Variants in CD46 observed in about 807,000 individuals in gnomAD.
The protein encoded by CD46 is membrane cofactor protein.
Under a neutral mutation model 53.3 loss-of-function variants are expected in CD46, and 30 were observed. The observed-to-expected ratio is 0.56, with a 90% CI of 0.42 to 0.76. The LOEUF is 0.76. CD46 is among the 30% of genes least tolerant of loss of function. CD46 has a pLI of 0.00. For synonymous variants in CD46, 142 were observed against 152.0 expected, an observed-to-expected ratio of 0.93 and a Z score of 0.48; for missense variants, 409 against 463.0, an observed-to-expected ratio of 0.88 and a Z score of 1.07.
intron 2 of CD46, 68 bp downstream of exon 2, chr1:207,757,270 T>C: frequency 7.6e-7 from 1 of 1,310,068 alleles, no homozygotes; most frequent in Non-Finnish European, 1.1e-6. Context: ...GGGGTACATA[T>C]TCCACTACGG....
chr1:207,760,078 A>G (rs1656011272), intron 4 of CD46: 1 of 218,044 alleles, frequency 4.6e-6, no homozygotes, highest in African/African-American at 2.4e-5. Context: ...GGGTTTTGCC[A>G]TGATGCCCAG....
chr1:207,764,162 C>G (rs1415332197), intron 5 of CD46, among the ~76,000 whole-genome samples: 2 of 152,164 alleles, frequency 1.3e-5, no homozygotes, highest in African/African-American at 4.8e-5. Flanking sequence ...TTCTGGGAGG[C>G]TTCCTGTCAG....
At chr1:207,771,737 T>G (rs185466940) in intron 8 of CD46, among the ~76,000 whole-genome samples, 2 of 152,344 alleles carry the variant, frequency 1.3e-5, no homozygotes, top group East Asian at 1.9e-4. Context: ...AAGGCCTCTA[T>G]TCTGTTCCAT....
chr1:207,790,407 T>C (rs1254643334), intron 12 of CD46, 62 bp downstream of exon 12: 3 of 814,170 alleles, frequency 3.7e-6, no homozygotes, highest in Non-Finnish European at 6.4e-6. Context: ...TCAGTGGATA[T>C]ATAGATATCA....
At chr1:207,761,869 A>T (rs1296920918) in intron 5 of CD46, among the ~76,000 whole-genome samples, 1 of 152,062 alleles carries the variant, frequency 6.6e-6, no homozygotes, top group African/African-American at 2.4e-5. Flanking sequence ...TTTTTTTTTT[A>T]AAGACCAAAT....
At chr1:207,761,169 A>G in intron 4 of CD46, 80 bp from the exon 5 acceptor site, 1 of 903,686 alleles carries the variant, frequency 1.1e-6, no homozygotes, top group Admixed American at 2.1e-5. Flanking sequence ...TATATTGACA[A>G]ATTTATTGAA....
At chr1:207,770,514 A>AT (rs1657391364) in intron 8 of CD46, 152 bp downstream of exon 8, 2 of 633,622 alleles carry the variant, frequency 3.2e-6, no homozygotes, top group Non-Finnish European at 5.7e-6. Flanking sequence ...TCAACTCATC[A>AT]TTTATATTAG....
chr1:207,791,566 A>C (rs1659801934), intron 12 of CD46, among the ~76,000 whole-genome samples: 1 of 152,218 alleles, frequency 6.6e-6, no homozygotes, highest in African/African-American at 2.4e-5. Flanking sequence ...GGACAGTGTG[A>C]GATTTCATCA....
chr1:207,790,132 C>T (rs1247712899), intron 11 of CD46, 121 bp from the exon 12 acceptor site: 2 of 724,408 alleles, frequency 2.8e-6, no homozygotes, highest in Non-Finnish European at 5.1e-6. Flanking sequence ...AAGTTATGAA[C>T]CTAATTCTCA....
At chr1:207,757,960 A>G (rs1655754129) in intron 3 of CD46, among the ~76,000 whole-genome samples, 1 of 152,218 alleles carries the variant, frequency 6.6e-6, no homozygotes, top group South Asian at 2.1e-4. Context: ...TTAGAGTTGA[A>G]GTAGGGCTCA....
At chr1:207,754,002 G>A (rs1173506312) in intron 1 of CD46, among the ~76,000 whole-genome samples, 1 of 152,160 alleles carries the variant, frequency 6.6e-6, no homozygotes, top group African/African-American at 2.4e-5. Flanking sequence ...AGGAAGATAA[G>A]CAGGGACTTT....
intron 1 of CD46, among the ~76,000 whole-genome samples, chr1:207,754,339 G>A (rs1362154937): frequency 6.6e-6 from 1 of 152,038 alleles, no homozygotes; most frequent in African/African-American, 2.4e-5. Context: ...AAACTCAGCT[G>A]GAATGTTACA....
At position 207,783,313 on chromosome 1, in the gene CD46, G is replaced by C; in HGVS notation, c.965G>C (p.Gly322Ala). 1 of 1,531,852 alleles carries C rather than the reference G, an allele frequency of 6.5e-7. No homozygotes were observed. Among genetic ancestry groups the C allele is most frequent in the Non-Finnish European group, 9.0e-7 (1 of 1,106,322 alleles). The allele number at this position is 1,531,852 out of a possible 1,614,324, so 94.9% of individuals were successfully genotyped here. A position where few individuals can be genotyped will look rare whatever the true frequency, so the allele number is the denominator to read the frequency against. ...CTAGGATATCCTAAACCTGAGGAAG[G>C]AATACTTGACAGTTTGGGTTGGTAT... ...NYPGYPKPEE[G>A]ILDSLDVWVI... The change falls in exon 9 of 13, where the codon GGA (glycine) becomes GCA (alanine). Residue 322 changes from glycine to alanine, a missense_variant. Physicochemically the swap from Gly to Ala is moderately conservative, Grantham distance 60. Coordinates refer to ENST00000367042, the MANE Select transcript of CD46 (RefSeq NM_172351.3).
At position 207,752,129 on chromosome 1, in the gene CD46, GAC is replaced by G. The variant is rs1654968216; in HGVS notation, c.-83_-82del. The G allele has an allele frequency of 1.6e-6, 2 of 1,240,888 alleles. No individual in the cohort carries two copies. Among genetic ancestry groups the G allele is most frequent in the Admixed American group, 3.4e-5 (2 of 59,554 alleles). 76.9% of individuals were successfully genotyped at this position (1,240,888 alleles called of 1,614,324 possible). ...TGGGGATTGTTGCGTCCCATATCTG[GAC>G]CCAGAAGGGACTTCCCTGCTCGGCT... On this transcript the variant is annotated 5_prime_UTR_variant, in exon 1 of 13. It removes the in-frame stop codon of an upstream open reading frame in the 5' UTR. Coordinates refer to ENST00000367042, the MANE Select transcript of CD46 (RefSeq NM_172351.3). The surrounding 1 kb of genome is among the most constrained non-coding windows in gnomAD (Gnocchi z 4.1).
rs1263208241 is a variant in CD46, at chr1:207,754,443, T to G, written c.97+2134T>G. Among the ~76,000 whole-genome samples the G allele has an allele frequency of 2.0e-5, 3 of 152,200 alleles. No homozygotes were observed. In the East Asian group the frequency reaches 5.8e-4, roughly 29 times the overall value. On this transcript the variant is annotated intron_variant, in intron 1 of 12. Transcript: ENST00000367042. Reference sequence around the variant, plus strand: ...AGTTCAAGTCCCTCTTCACTTGTAATCACCCTTTTAAAATGACCTTTTCTG... The same window carrying G: ...AGTTCAAGTCCCTCTTCACTTGTAAGCACCCTTTTAAAATGACCTTTTCTG...
At chr1:207,770,893 T>C (rs188781899) in intron 8 of CD46, among the ~76,000 whole-genome samples, 106 of 152,354 alleles carry the variant, frequency 7.0e-4, no homozygotes, top group Non-Finnish European at 1.1e-3. Context: ...AGTAGCATGA[T>C]TTATAATCCT....
At chr1:207,779,279 T>C (rs1462870329) in intron 8 of CD46, among the ~76,000 whole-genome samples, 1 of 152,202 alleles carries the variant, frequency 6.6e-6, no homozygotes, top group Non-Finnish European at 1.5e-5. Flanking sequence ...CCTCTGTTTC[T>C]TTCTCTTATC....
intron 12 of CD46, among the ~76,000 whole-genome samples, chr1:207,792,931 A>G (rs570095592): frequency 1.4e-4 from 22 of 152,366 alleles, no homozygotes; most frequent in African/African-American, 5.1e-4. Flanking sequence ...TGTTTTTAAA[A>G]GTGGCTTCTG....
Position 207,770,369 on chromosome 1 carries a change from T to A in CD46, c.943+7T>A. 6.4e-7 allele frequency: 1 copy of A among 1,564,806 alleles called. No individual in the cohort carries two copies. The highest frequency in any genetic ancestry group is 8.8e-7 in the Non-Finnish European group (1 of 1,135,678). On this transcript the variant is annotated splice_region_variant and intron_variant, in intron 8 of 12. Transcript: ENST00000367042. ...CCAGTCTCAAATTATCCAGGTTGGT[T>A]AACTCTTTATCCTACTGATATTGTT...
Sources: gnomAD v4.1 joint callset for allele counts (sites outside exome capture counted in the v4.1 genomes callset) on GRCh38, gnomAD v4.1.1 for gene constraint, Gnocchi (gnomAD v3.1) non-coding constraint, MANE v1.5 for transcripts, NCBI Gene and HGNC (gene_info 2026-07-23, HGNC 2026-07-21) for gene names.